The following CCBE1 variants were observed in gnomAD, a reference collection of about 807,000 sequenced individuals.
CCBE1 encodes collagen and calcium binding EGF domains 1.
In CCBE1, 37 loss-of-function variants were observed where a neutral mutation model predicts 50.0. That is an observed-to-expected ratio of 0.74 (90% CI 0.57 to 0.97). The LOEUF (loss-of-function observed/expected upper bound fraction) is 0.97. CCBE1 is among the 50% of genes least tolerant of loss of function. The pLI, the probability that CCBE1 is intolerant of heterozygous loss-of-function variation, is 0.00. For synonymous variants in CCBE1, 234 were observed against 203.7 expected, an observed-to-expected ratio of 1.15 and a Z score of -1.27; for missense variants, 538 against 523.8, an observed-to-expected ratio of 1.03 and a Z score of -0.26.
intron 2 of CCBE1, among the ~76,000 whole-genome samples, chr18:59,573,284 A>AATATATATATAT (rs71336346): frequency 0.017 from 1,576 of 93,548 alleles, 99 homozygotes; most frequent in African/African-American, 0.035. Flanking sequence ...GACTCCGTCT[A>AATATATATATAT]ATATATATAT....
At chr18:59,496,457 G>A (rs1171635539) in intron 2 of CCBE1, among the ~76,000 whole-genome samples, 1 of 152,100 alleles carries the variant, frequency 6.6e-6, no homozygotes, top group African/African-American at 2.4e-5. Context: ...CATTCTTCCT[G>A]CCTGTCTCCT....
intron 2 of CCBE1, among the ~76,000 whole-genome samples, chr18:59,645,859 G>A (rs547142103): frequency 2.2e-4 from 34 of 152,118 alleles, no homozygotes; most frequent in South Asian, 1.2e-3. Flanking sequence ...GTGAAACCCC[G>A]TCTCTGCTAA....
intron 2 of CCBE1, among the ~76,000 whole-genome samples, chr18:59,569,223 A>G (rs2052871865): frequency 6.6e-6 from 1 of 152,238 alleles, no homozygotes; most frequent in Admixed American, 6.5e-5. Context: ...GCTGTGGTTC[A>G]TTAAGAAGGT....
intron 2 of CCBE1, among the ~76,000 whole-genome samples, chr18:59,638,087 C>T (rs1198231475): frequency 1.3e-5 from 2 of 152,028 alleles, no homozygotes; most frequent in East Asian, 1.9e-4. Flanking sequence ...AAAACTGTTT[C>T]TCACCATGTA....
At chr18:59,608,586 G>C (rs1388952303) in intron 2 of CCBE1, among the ~76,000 whole-genome samples, 1 of 152,164 alleles carries the variant, frequency 6.6e-6, no homozygotes, top group Non-Finnish European at 1.5e-5. Flanking sequence ...ACTCTTTGAA[G>C]TCAAATTTGT....
At chr18:59,661,001 G>GTT (rs58257621) in intron 2 of CCBE1, among the ~76,000 whole-genome samples, 2,335 of 150,622 alleles carry the variant, frequency 0.016, 60 homozygotes, top group African/African-American at 0.053. Flanking sequence ...ACTGGGAGGT[G>GTT]TTTTTTTTTG....
At chr18:59,690,803 C>CG (rs2054719958) in intron 2 of CCBE1, among the ~76,000 whole-genome samples, 2 of 152,186 alleles carry the variant, frequency 1.3e-5, no homozygotes, top group Admixed American at 6.5e-5. Context: ...TGTGGGAAGG[C>CG]GGGGGACCCC....
chr18:59,607,282 T>G (rs1264369708), intron 2 of CCBE1, among the ~76,000 whole-genome samples: 1 of 152,168 alleles, frequency 6.6e-6, no homozygotes, highest in Non-Finnish European at 1.5e-5. Flanking sequence ...ATACGGCCCA[T>G]AAGTTCATGA....
In CCBE1 at chr18:59,672,633, C is replaced by T. The variant is rs556237876; in HGVS notation, c.212+23996G>A. On this transcript the variant is annotated intron_variant, in intron 2 of 10. Transcript: ENST00000439986. ...TCCAGTGCCAGCTGAACCACTGCAG[C>T]CTGCATCATCTGGAACCAAGCCAAA... 2.0e-5 allele frequency among the ~76,000 whole-genome samples: 3 copies of T among 152,338 alleles called. No individual in the cohort carries two copies. In the South Asian group the frequency reaches 6.2e-4, roughly 32 times the overall value.
rs544285272 is a variant in CCBE1, at chr18:59,579,104, T to C, written c.213-98866A>G. On this transcript the variant is annotated intron_variant, in intron 2 of 10. Transcript: ENST00000439986. Reference sequence around the variant, plus strand: ...AGTTTTGCGCTCTCAGAATACTAGATGATTTCTTATCCAACTTCTCCTAAA... The same window carrying C: ...AGTTTTGCGCTCTCAGAATACTAGACGATTTCTTATCCAACTTCTCCTAAA... Among the ~76,000 whole-genome samples, 45 of 152,270 alleles carry C rather than the reference T, an allele frequency of 3.0e-4. 1 individual carries two copies. In the South Asian group the frequency reaches 4.8e-3, roughly 16 times the overall value.
chr18:59,696,472 C>A (rs545644933), intron 2 of CCBE1, 157 bp downstream of exon 2: 2 of 1,502,864 alleles, frequency 1.3e-6, no homozygotes, highest in Admixed American at 2.0e-5. Context: ...TCCAACCAAC[C>A]CTCAAAGATT....
At chr18:59,596,379 C>T (rs112393618) in intron 2 of CCBE1, among the ~76,000 whole-genome samples, 2,212 of 152,310 alleles carry the variant, frequency 0.015, 29 homozygotes, top group Admixed American at 0.034. Context: ...CCTTGTTCAA[C>T]ACTGAAGGTG....
chr18:59,582,235 C>T (rs184825435), intron 2 of CCBE1, among the ~76,000 whole-genome samples: 4 of 152,262 alleles, frequency 2.6e-5, no homozygotes, highest in African/African-American at 9.6e-5. Context: ...GCCACCTCTC[C>T]CCCGTCAGTT....
At chr18:59,471,758 C>G (rs1912046633) in intron 3 of CCBE1, among the ~76,000 whole-genome samples, 1 of 152,194 alleles carries the variant, frequency 6.6e-6, no homozygotes, top group Non-Finnish European at 1.5e-5. Context: ...CAGACAGATA[C>G]AGACAGGGAG....
intron 5 of CCBE1, among the ~76,000 whole-genome samples, chr18:59,457,449 C>T (rs759099101): frequency 6.6e-6 from 1 of 152,144 alleles, no homozygotes; most frequent in South Asian, 2.1e-4. Flanking sequence ...CCACTTGCCT[C>T]GACCACAGCC....
intron 2 of CCBE1, among the ~76,000 whole-genome samples, chr18:59,501,492 C>G (rs688137): frequency 0.12 from 18,307 of 152,084 alleles, 1,754 homozygotes; most frequent in East Asian, 0.34. Flanking sequence ...TGGAAGGGAA[C>G]GTCTTCAAGT....
At chr18:59,675,134 A>C (rs2054482208) in intron 2 of CCBE1, among the ~76,000 whole-genome samples, 1 of 152,206 alleles carries the variant, frequency 6.6e-6, no homozygotes, top group Non-Finnish European at 1.5e-5. Context: ...GTATTGAAGA[A>C]AGTAACCTAG....
chr18:59,513,314 A>G (rs1914216189), intron 2 of CCBE1, among the ~76,000 whole-genome samples: 1 of 79,110 alleles, frequency 1.3e-5, no homozygotes, highest in Non-Finnish European at 2.2e-5. Context: ...AAAAAAACAA[A>G]ACAAAACAAA....
At chr18:59,468,726 T>C (rs1215855296) in intron 4 of CCBE1, among the ~76,000 whole-genome samples, 2 of 152,226 alleles carry the variant, frequency 1.3e-5, no homozygotes, top group Non-Finnish European at 2.9e-5. Context: ...CATCCTCCAG[T>C]TGATTCTTAA....
Sources: allele counts gnomAD v4.1 joint callset (sites outside exome capture counted in the v4.1 genomes callset), GRCh38; gene constraint gnomAD v4.1.1; transcripts MANE v1.5; gene names NCBI Gene and HGNC (gene_info 2026-07-23, HGNC 2026-07-21).